SLCO3A1: variants seen among roughly 807,000 people sequenced by gnomAD.
The protein encoded by SLCO3A1 is solute carrier organic anion transporter family member 3A1.
In SLCO3A1, 27 loss-of-function variants were observed where a neutral mutation model predicts 63.1. The observed-to-expected ratio is 0.43, with a 90% CI of 0.32 to 0.59. The LOEUF (loss-of-function observed/expected upper bound fraction) is 0.59. Among genes scored for constraint, SLCO3A1 ranks in the 20% least tolerant of loss-of-function variants. The pLI is 0.09. For synonymous variants in SLCO3A1, 473 were observed against 409.9 expected (o/e 1.15, Z -1.86); for missense variants, 773 against 945.8 (o/e 0.82, Z 2.40).
At chr15:92,171,780 G>A (rs767554220) in exon 11 of SLCO3A1, 1 of 1,549,680 alleles carries the variant, frequency 6.5e-7, no homozygotes. Flanking sequence ...CCCCCTTTAG[G>A]CACAGAGTAC....
intron 2 of SLCO3A1, among the ~76,000 whole-genome samples, chr15:92,051,786 C>A (rs539562000): frequency 2.6e-5 from 4 of 152,166 alleles, no homozygotes; most frequent in Non-Finnish European, 5.9e-5. Flanking sequence ...AAGACACTTA[C>A]ATTTTCCATT....
intron 2 of SLCO3A1, among the ~76,000 whole-genome samples, chr15:92,014,780 G>A (rs999546805): frequency 6.6e-6 from 1 of 152,138 alleles, no homozygotes; most frequent in African/African-American, 2.4e-5. Flanking sequence ...GAGGGAGAAG[G>A]GTGGGAGGTT....
At chr15:92,016,995 A>G (rs1387757366) in intron 2 of SLCO3A1, among the ~76,000 whole-genome samples, 1 of 152,154 alleles carries the variant, frequency 6.6e-6, no homozygotes, top group Non-Finnish European at 1.5e-5. Flanking sequence ...AGAGAGGAGA[A>G]GAAAAGGATA....
chr15:92,015,380 G>A (rs2046414130), intron 2 of SLCO3A1, among the ~76,000 whole-genome samples: 1 of 152,112 alleles, frequency 6.6e-6, no homozygotes, highest in African/African-American at 2.4e-5. Context: ...GAAGAAGCAA[G>A]TACCTTCTTC....
chr15:91,952,905 G>A (rs1335425014), intron 2 of SLCO3A1, among the ~76,000 whole-genome samples: 1 of 152,182 alleles, frequency 6.6e-6, no homozygotes, highest in African/African-American at 2.4e-5. Flanking sequence ...ATGTAATGTA[G>A]TGAGGGGACT....
chr15:91,982,692 C>CACAAGTGATTTGAGTTGCTG (rs2046002936), intron 2 of SLCO3A1, among the ~76,000 whole-genome samples: 2 of 152,262 alleles, frequency 1.3e-5, no homozygotes, highest in South Asian at 4.1e-4. Flanking sequence ...GTCCTGGAAT[C>CACAAGTGATTTGAGTTGCTG]ACAAGTGATT....
chr15:92,003,879 C>T (rs531764712), intron 2 of SLCO3A1, among the ~76,000 whole-genome samples: 8 of 152,138 alleles, frequency 5.3e-5, no homozygotes, highest in Non-Finnish European at 8.8e-5. Flanking sequence ...CATTGCCTGG[C>T]AGTGCTCCCC....
rs1213457741 is a variant in SLCO3A1, at chr15:91,948,866, C to G, written c.646+32408C>G. ...GTCTCAGAGCCTGCAGAGCACCATC[C>G]ATCCTCAATTCCTTTAATAACCTGA... On this transcript the variant is annotated intron_variant, in intron 2 of 9. Coordinates refer to ENST00000318445, the MANE Select transcript of SLCO3A1 (RefSeq NM_013272.4). The surrounding 1 kb of genome is among the most constrained non-coding windows in gnomAD (Gnocchi z 4.8). 6.6e-6 allele frequency among the ~76,000 whole-genome samples: 1 copy of G among 152,150 alleles called. No individual in the cohort carries two copies. Among genetic ancestry groups the G allele is most frequent in the Non-Finnish European group, 1.5e-5 (1 of 68,034 alleles).
intron 2 of SLCO3A1, among the ~76,000 whole-genome samples, chr15:92,018,215 G>A (rs1018650050): frequency 2.0e-5 from 3 of 152,190 alleles, no homozygotes; most frequent in African/African-American, 7.2e-5. Flanking sequence ...AGGGACTTAG[G>A]TTTTAACAAA....
chr15:92,171,921 C>G, exon 11 of SLCO3A1: 2 of 1,321,686 alleles, frequency 1.5e-6, no homozygotes, highest in South Asian at 2.5e-5. Flanking sequence ...ACAGACCTCG[C>G]GGGCCTCACT....
chr15:92,050,698 A>G (rs1382512578), intron 2 of SLCO3A1, among the ~76,000 whole-genome samples: 4 of 152,158 alleles, frequency 2.6e-5, no homozygotes, highest in African/African-American at 9.7e-5. Flanking sequence ...TCACTCAGCA[A>G]CCAGAATCAT....
intron 2 of SLCO3A1, among the ~76,000 whole-genome samples, chr15:92,089,070 G>C (rs879365655): frequency 1.3e-5 from 2 of 151,742 alleles, no homozygotes; most frequent in Admixed American, 1.3e-4. Context: ...CTGTCGCCCA[G>C]GCTGGAGTGC....
chr15:92,166,501 A>G (rs1257118271), downstream of SLCO3A1, among the ~76,000 whole-genome samples: 7 of 152,156 alleles, frequency 4.6e-5, no homozygotes, highest in Non-Finnish European at 8.8e-5. Context: ...TCATCTGTAC[A>G]TTCCAGTCCC....
intron 2 of SLCO3A1, among the ~76,000 whole-genome samples, chr15:91,991,589 TAA>T (rs1405957096): frequency 3.3e-5 from 5 of 152,200 alleles, no homozygotes; most frequent in Non-Finnish European, 7.3e-5. Flanking sequence ...TTTCAAAAGT[TAA>T]AAGAGAACAG....
At chr15:91,975,224 C>G (rs967448146) in intron 2 of SLCO3A1, among the ~76,000 whole-genome samples, 51 of 152,224 alleles carry the variant, frequency 3.4e-4, no homozygotes, top group Admixed American at 6.5e-4. Flanking sequence ...GAACTGGTAC[C>G]TAGGTGTGCT....
At position 91,897,932 on chromosome 15, in the gene SLCO3A1, A is replaced by G. The variant is rs962233920; in HGVS notation, c.181-18061A>G. ...GAACAAGAAGGAATCGCTGCTCTAC[A>G]CACACGGGGTTTTTAAATTAGAAAG... On this transcript the variant is annotated intron_variant, in intron 1 of 9. Coordinates refer to ENST00000318445, the MANE Select transcript of SLCO3A1 (RefSeq NM_013272.4). The surrounding 1 kb of genome is among the most constrained non-coding windows in gnomAD (Gnocchi z 4.7). Among the ~76,000 whole-genome samples the G allele has an allele frequency of 6.6e-6, 1 of 152,222 alleles. No homozygotes were observed. Among genetic ancestry groups the G allele is most frequent in the Admixed American group, 6.5e-5 (1 of 15,284 alleles).
chr15:92,168,122 C>T (rs1018313224), downstream of SLCO3A1, among the ~76,000 whole-genome samples: 22 of 152,312 alleles, frequency 1.4e-4, no homozygotes, highest in African/African-American at 5.3e-4. Context: ...TGAACACAAA[C>T]AAAACCAATG....
intron 2 of SLCO3A1, among the ~76,000 whole-genome samples, chr15:92,091,621 G>A (rs1401957719): frequency 6.6e-6 from 1 of 152,106 alleles, no homozygotes; most frequent in Non-Finnish European, 1.5e-5. Flanking sequence ...ATGCACGAAG[G>A]CCCCTCCCAC....
intron 2 of SLCO3A1, among the ~76,000 whole-genome samples, chr15:91,990,156 C>A (rs1331534371): frequency 6.6e-6 from 1 of 152,136 alleles, no homozygotes; most frequent in East Asian, 1.9e-4. Flanking sequence ...TCTTTGGAGG[C>A]AGTCACTGAA....
Sources: gnomAD v4.1 joint callset for allele counts (sites outside exome capture counted in the v4.1 genomes callset) on GRCh38, gnomAD v4.1.1 for gene constraint, Gnocchi (gnomAD v3.1) non-coding constraint, MANE v1.5 for transcripts, NCBI Gene and HGNC (gene_info 2026-07-23, HGNC 2026-07-21) for gene names.